The following COX5A variants were observed in gnomAD, a reference collection of about 807,000 sequenced individuals.
The protein encoded by COX5A is cytochrome c oxidase subunit 5A, mitochondrial.
COX5A carries 6 observed loss-of-function variants against 16.1 expected under a neutral mutation model. The observed-to-expected ratio is 0.37, with a 90% CI of 0.20 to 0.73. The LOEUF (loss-of-function observed/expected upper bound fraction) is 0.73, where lower values mean the gene tolerates loss of function less well. COX5A is among the 30% of genes least tolerant of loss of function. The pLI, the probability that COX5A is intolerant of heterozygous loss-of-function variation, is 0.50. For synonymous variants in COX5A, 73 were observed against 73.8 expected (o/e 0.99, Z 0.06); for missense variants, 159 against 194.9 (o/e 0.82, Z 1.10).
At chr15:74,934,814 T>C (rs1482870739) in intron 1 of COX5A, among the ~76,000 whole-genome samples, 1 of 151,872 alleles carries the variant, frequency 6.6e-6, no homozygotes, top group East Asian at 1.9e-4. Flanking sequence ...AAAGGCAAAT[T>C]ATTTTGGAAA....
intron 1 of COX5A, chr15:74,937,638 G>A (rs1436363168): frequency 1.1e-5 from 3 of 273,248 alleles, no homozygotes; most frequent in South Asian, 3.4e-4. Context: ...GGGAACCGAA[G>A]GGGAGCGCTG....
Position 74,937,985 on chromosome 15 carries a change from A to T in COX5A, c.30T>A (p.Ala10=). The T allele has an allele frequency of 1.6e-6, 2 of 1,232,468 alleles. No homozygotes were observed. Among genetic ancestry groups the T allele is most frequent in the South Asian group, 8.2e-5 (2 of 24,388 alleles). The allele number at this position is 1,232,468 out of a possible 1,614,324, so 76.3% of individuals were successfully genotyped here. A position where few individuals can be genotyped will look rare whatever the true frequency, so the allele number is the denominator to read the frequency against. The change falls in exon 1 of 5, where the codon GCT becomes GCA. Residue 10 remains alanine (A), a synonymous_variant. Transcript: ENST00000322347. MLGAALRRC[A]VAATTRADPR... ...GGTCGGCCCGGGTGGTTGCGGCCAC[A>T]GCGCAGCGGCGGAGAGCGGCGCCCA...
At chr15:74,933,420 T>A (rs547528700) in intron 1 of COX5A, among the ~76,000 whole-genome samples, 5 of 46,490 alleles carry the variant, frequency 1.1e-4, no homozygotes, top group African/African-American at 8.3e-4. Context: ...AAAAAAAAAA[T>A]ATCTATCTAT....
intron 2 of COX5A, 32 bp downstream of exon 2, chr15:74,929,083 CA>C (rs779206976): frequency 6.8e-7 from 1 of 1,464,686 alleles, no homozygotes; most frequent in Non-Finnish European, 9.6e-7. Context: ...ATTTACACAC[CA>C]AAATAGACAA....
chr15:74,924,860 T>C (rs2065336514), intron 3 of COX5A, among the ~76,000 whole-genome samples: 1 of 152,228 alleles, frequency 6.6e-6, no homozygotes, highest in South Asian at 2.1e-4. Flanking sequence ...TGTCACACTT[T>C]TGCTGTTAAC....
At chr15:74,927,880 G>A (rs924307246) in intron 2 of COX5A, among the ~76,000 whole-genome samples, 1 of 152,126 alleles carries the variant, frequency 6.6e-6, no homozygotes, top group African/African-American at 2.4e-5. Flanking sequence ...GCCTAAATGA[G>A]GACATTAAGG....
intron 4 of COX5A, 125 bp from the exon 5 acceptor site, chr15:74,920,567 C>T (rs988270706): frequency 2.7e-5 from 16 of 598,552 alleles, no homozygotes; most frequent in Non-Finnish European, 4.3e-5. Context: ...ACTGCTCTTA[C>T]TTAATCCTGC....
chr15:74,921,145 C>T (rs950698909), intron 4 of COX5A, among the ~76,000 whole-genome samples: 2 of 152,082 alleles, frequency 1.3e-5, no homozygotes, highest in African/African-American at 2.4e-5. Context: ...CGGTGGCTCA[C>T]GCCTGTAATC....
At chr15:74,931,378 G>A (rs1307175419) in intron 1 of COX5A, among the ~76,000 whole-genome samples, 1 of 151,896 alleles carries the variant, frequency 6.6e-6, no homozygotes, top group African/African-American at 2.4e-5. Context: ...ACGGGCGCCT[G>A]TAATCTCAGC....
chr15:74,937,866 G>A (rs577256119), intron 1 of COX5A, 49 bp downstream of exon 1: 10 of 1,131,904 alleles, frequency 8.8e-6, no homozygotes, highest in East Asian at 3.2e-5. Flanking sequence ...GGGGACCCAG[G>A]TCACCGCAAG....
At chr15:74,929,036 AAC>A in intron 2 of COX5A, 78 bp downstream of exon 2, 1 of 1,009,858 alleles carries the variant, frequency 9.9e-7, no homozygotes, top group Non-Finnish European at 1.6e-6. Context: ...ATGTTTTCGA[AAC>A]AGTTGCTCTC....
At chr15:74,921,407 C>CAAAAAAAA (rs56979177) in intron 4 of COX5A, among the ~76,000 whole-genome samples, 2 of 79,464 alleles carry the variant, frequency 2.5e-5, no homozygotes, top group Admixed American at 1.6e-4. Flanking sequence ...GACTCCGTCT[C>CAAAAAAAA]AAAAAAAAAA....
rs182294020 is a variant in COX5A, at chr15:74,931,791, T to C, written c.101-2559A>G. 5.2e-3 allele frequency among the ~76,000 whole-genome samples: 794 copies of C among 152,174 alleles called. 9 individuals carry two copies. Among genetic ancestry groups the C allele is most frequent in the African/African-American group, 0.019 (769 of 41,546 alleles). On this transcript the variant is annotated intron_variant, in intron 1 of 4. Transcript: ENST00000322347. ...CTGGTCTCGAACTCCTGACCTCCAG[T>C]GATCTGCCCACCTCAGCCTCCCAAA...
At chr15:74,930,081 A>C (rs920203460) in intron 1 of COX5A, among the ~76,000 whole-genome samples, 42 of 150,852 alleles carry the variant, frequency 2.8e-4, no homozygotes, top group Admixed American at 6.6e-5. Context: ...TCCAACTCAA[A>C]AAACAAACAA....
chr15:74,938,002 C>A lies in COX5A; in HGVS notation c.13G>T (p.Ala5Ser), dbSNP rs1270537444. The part of the protein sequence containing the change: MLGA[A>S]LRRCAVAATT... ...GCGGCCACAGCGCAGCGGCGGAGAG[C>A]GGCGCCCAGCATGACGGCGATGGCG... Residue 5 changes from alanine to serine, a missense_variant, in exon 1 of 5, where the codon GCT becomes TCT. Physicochemically the swap from Ala to Ser is moderately conservative, Grantham distance 99 (BLOSUM62 1). Transcript: ENST00000322347. 4 of 1,231,468 alleles carry A rather than the reference C, an allele frequency of 3.2e-6. No homozygotes were observed. The East Asian group carries it at 9.5e-5, about 29-fold the overall frequency. The allele number at this position is 1,231,468 out of a possible 1,614,324, so 76.3% of individuals were successfully genotyped here.
At chr15:74,926,728 C>T in intron 3 of COX5A, 38 bp downstream of exon 3, 1 of 1,588,822 alleles carries the variant, frequency 6.3e-7, no homozygotes, top group Non-Finnish European at 8.6e-7. Context: ...ATAGCCCACT[C>T]ATTTACAGAA....
chr15:74,926,829 A>G lies in COX5A; in HGVS notation c.276T>C (p.Ala92=). 2.5e-6 allele frequency: 4 copies of G among 1,614,042 alleles called. No individual in the cohort carries two copies. Among genetic ancestry groups the G allele is most frequent in the Non-Finnish European group, 3.4e-6 (4 of 1,179,948 alleles). The change falls in exon 3 of 5, where the codon GCT becomes GCC. Residue 92 remains alanine, a synonymous_variant. Transcript: ENST00000322347. ...CATTTAACCGTCTGCATGCCCGCAAAGCAGCATCAATGATTTTGGGCTCTG... is the reference window on the plus strand; with the variant it reads ...CATTTAACCGTCTGCATGCCCGCAAGGCAGCATCAATGATTTTGGGCTCTG... The part of the protein sequence containing the change: ...MVPEPKIIDA[A]LRACRRLNDF...
chr15:74,934,659 T>C (rs1180745918), intron 1 of COX5A, among the ~76,000 whole-genome samples: 1 of 152,098 alleles, frequency 6.6e-6, no homozygotes, highest in East Asian at 1.9e-4. Context: ...TTAAATCCAA[T>C]AATGGGTAAA....
intron 2 of COX5A, among the ~76,000 whole-genome samples, chr15:74,927,518 T>C (rs1042544447): frequency 1.3e-5 from 2 of 151,994 alleles, no homozygotes; most frequent in Admixed American, 6.6e-5. Flanking sequence ...TTTTGGATGC[T>C]TTAAAAGAGA....
Sources: allele counts gnomAD v4.1 joint callset (sites outside exome capture counted in the v4.1 genomes callset), GRCh38; gene constraint gnomAD v4.1.1; transcripts MANE v1.5; gene names NCBI Gene and HGNC (gene_info 2026-07-23, HGNC 2026-07-21).